The following PLXDC2 variants were observed in gnomAD, a reference collection of about 807,000 sequenced individuals.
The protein encoded by PLXDC2 is plexin domain-containing protein 2.
A neutral mutation model predicts 68.9 loss-of-function variants in PLXDC2; 40 were observed. The ratio of observed to expected loss-of-function variants is 0.58; its 90% CI spans 0.45 to 0.76. PLXDC2 has a LOEUF of 0.76. PLXDC2 is among the 30% of genes least tolerant of loss of function. The pLI is 0.00. For missense variants in PLXDC2, 644 were observed against 661.9 expected (o/e 0.97, Z 0.30); for synonymous variants, 243 against 234.2 (o/e 1.04, Z -0.34).
chr10:20,001,037 A>G (rs1483825150), intron 1 of PLXDC2, among the ~76,000 whole-genome samples: 1 of 152,346 alleles, frequency 6.6e-6, no homozygotes, highest in East Asian at 1.9e-4. Context: ...CAGTCCCTGC[A>G]GATGACTTTA....
intron 12 of PLXDC2, among the ~76,000 whole-genome samples, chr10:20,239,778 A>G (rs766453582): frequency 1.3e-5 from 2 of 152,210 alleles, no homozygotes; most frequent in Admixed American, 6.5e-5. Context: ...GTCGAGCCAC[A>G]TATGGACATC....
Position 19,910,817 on chromosome 10 carries a change from T to G in PLXDC2, c.113-90958T>G, listed in dbSNP as rs564160132. On this transcript the variant is annotated intron_variant, in intron 1 of 13. Coordinates refer to ENST00000377252, the MANE Select transcript of PLXDC2 (RefSeq NM_032812.9). ...TGAGGTCAGGCATCCGGGACCAGCC[T>G]AGTGAACATAGTGAAACCCTGTCTT... is the stretch of plus-strand genomic sequence containing the variant. Among the ~76,000 whole-genome samples, 23 of 152,016 alleles carry G rather than the reference T, an allele frequency of 1.5e-4. No homozygotes were observed. In the East Asian group the frequency reaches 2.1e-3, roughly 14 times the overall value.
At chr10:19,962,383 ACTTTTT>A (rs1564640399) in intron 1 of PLXDC2, among the ~76,000 whole-genome samples, 2 of 11,252 alleles carry the variant, frequency 1.8e-4, no homozygotes, top group Admixed American at 8.8e-4. Flanking sequence ...ACCCATCTTT[ACTTTTT>A]TTTTTTTTTT....
chr10:19,886,798 G>GA (rs1269441361), intron 1 of PLXDC2, among the ~76,000 whole-genome samples: 2 of 152,174 alleles, frequency 1.3e-5, no homozygotes, highest in African/African-American at 2.4e-5. Flanking sequence ...ATTTTTATGA[G>GA]AAAAAATTCT....
chr10:20,283,422 G>T lies in PLXDC2; in HGVS notation c.*3603G>T, dbSNP rs986295527. On this transcript the variant is annotated 3_prime_UTR_variant, in exon 14 of 14. Coordinates refer to ENST00000377252, the MANE Select transcript of PLXDC2 (RefSeq NM_032812.9). The stretch of plus-strand genomic sequence containing the variant: ...TAACCCATATAAAGTACGACTTTTG[G>T]TCGAGTACCAGCACAAATTTGCATT... 2 of 152,178 alleles carry T rather than the reference G, an allele frequency of 1.3e-5. No homozygotes were observed. Among genetic ancestry groups the T allele is most frequent in the South Asian group, 2.1e-4 (1 of 4,834 alleles). The allele number at this position is 152,178 out of a possible 1,614,324, so 9.4% of individuals were successfully genotyped here. A position where few individuals can be genotyped will look rare whatever the true frequency, so the allele number is the denominator to read the frequency against.
chr10:19,851,938 A>G (rs576841827), intron 1 of PLXDC2, among the ~76,000 whole-genome samples: 2 of 152,336 alleles, frequency 1.3e-5, no homozygotes, highest in Admixed American at 6.5e-5. Flanking sequence ...ATTTTAATCA[A>G]TAAAGAGCCT....
rs191595314 is a variant in PLXDC2, at chr10:19,877,652, G to T, written c.112+60461G>T. On this transcript the variant is annotated intron_variant, in intron 1 of 13. Transcript: ENST00000377252. ...GGCCATGCCCTAGTGGATCGATGAA[G>T]TAGATGGCACCGGCGTTCCCGAATG... Among the ~76,000 whole-genome samples the T allele has an allele frequency of 1.7e-3, 265 of 152,362 alleles. 2 individuals are homozygous for T. The highest frequency in any genetic ancestry group is 6.0e-3 in the African/African-American group (251 of 41,576).
intron 4 of PLXDC2, among the ~76,000 whole-genome samples, chr10:20,108,617 G>T (rs758256047): frequency 6.6e-6 from 1 of 152,042 alleles, no homozygotes; most frequent in African/African-American, 2.4e-5. Flanking sequence ...ATAACACTTC[G>T]CCAGTACTTG....
rs879385977 is a variant in PLXDC2, at chr10:19,993,853, A to G, written c.113-7922A>G. Among the ~76,000 whole-genome samples, 21 of 152,310 alleles carry G rather than the reference A, an allele frequency of 1.4e-4. 1 individual carries two copies. Among genetic ancestry groups the G allele is most frequent in the Admixed American group, 1.4e-3 (21 of 15,290 alleles). Reference sequence around the variant, plus strand: ...TACAATGGCCCAAATTCCTGCAATGACTTCAAAGGCAGAGAAGGGTAAGGA... The same window carrying G: ...TACAATGGCCCAAATTCCTGCAATGGCTTCAAAGGCAGAGAAGGGTAAGGA... On this transcript the variant is annotated intron_variant, in intron 1 of 13. Transcript: ENST00000377252.
At chr10:19,920,174 C>T (rs965384128) in intron 1 of PLXDC2, among the ~76,000 whole-genome samples, 2 of 152,128 alleles carry the variant, frequency 1.3e-5, no homozygotes, top group Non-Finnish European at 2.9e-5. Flanking sequence ...TGTGATACGG[C>T]AGTGCTGGGA....
At chr10:19,962,084 T>C (rs956143505) in intron 1 of PLXDC2, among the ~76,000 whole-genome samples, 1 of 152,182 alleles carries the variant, frequency 6.6e-6, no homozygotes, top group Non-Finnish European at 1.5e-5. Flanking sequence ...TGGAAAGAAA[T>C]AAATCAGGGA....
At chr10:20,070,871 A>G (rs1157152062) in intron 4 of PLXDC2, 4 of 152,076 alleles carry the variant, frequency 2.6e-5, no homozygotes, top group Non-Finnish European at 5.9e-5. Context: ...ATGAAGTAAG[A>G]TTTCTCCTAG....
At chr10:19,983,086 A>G (rs908707007) in intron 1 of PLXDC2, among the ~76,000 whole-genome samples, 4 of 152,134 alleles carry the variant, frequency 2.6e-5, no homozygotes, top group African/African-American at 7.2e-5. Flanking sequence ...ACATTTGATG[A>G]TATAAATCCT....
At chr10:20,212,833 G>A (rs979937550) in intron 10 of PLXDC2, among the ~76,000 whole-genome samples, 5 of 152,134 alleles carry the variant, frequency 3.3e-5, no homozygotes, top group South Asian at 2.1e-4. Context: ...ATCTAATAAC[G>A]TAGTTCCAAA....
chr10:20,116,543 T>C (rs1421801071), intron 4 of PLXDC2, among the ~76,000 whole-genome samples: 3 of 152,164 alleles, frequency 2.0e-5, no homozygotes, highest in Non-Finnish European at 2.9e-5. Context: ...GATAATCAGA[T>C]GTTAAGGTTT....
intron 4 of PLXDC2, among the ~76,000 whole-genome samples, chr10:20,101,932 G>C (rs1235405332): frequency 6.6e-6 from 1 of 151,858 alleles, no homozygotes; most frequent in Non-Finnish European, 1.5e-5. Context: ...CGAGTAGCTG[G>C]GATTACAGCC....
intron 1 of PLXDC2, among the ~76,000 whole-genome samples, chr10:19,937,784 C>A (rs11011689): frequency 4.1e-4 from 63 of 151,954 alleles, no homozygotes; most frequent in African/African-American, 1.4e-3. Flanking sequence ...GAATTTCTTT[C>A]TAGATGAGGA....
intron 1 of PLXDC2, among the ~76,000 whole-genome samples, chr10:19,828,833 G>A (rs910568985): frequency 1.3e-5 from 2 of 152,018 alleles, no homozygotes; most frequent in African/African-American, 2.4e-5. Context: ...CAGTTCTATT[G>A]TTCTGTCTTC....
At chr10:19,964,706 C>T (rs1462533333) in intron 1 of PLXDC2, among the ~76,000 whole-genome samples, 1 of 152,064 alleles carries the variant, frequency 6.6e-6, no homozygotes, top group Non-Finnish European at 1.5e-5. Context: ...GTAGACAGAG[C>T]CTGAGCTCCT....
Sources: allele counts gnomAD v4.1 joint callset (sites outside exome capture counted in the v4.1 genomes callset), GRCh38; gene constraint gnomAD v4.1.1; transcripts MANE v1.5; gene names NCBI Gene and HGNC (gene_info 2026-07-23, HGNC 2026-07-21).